The following PAPSS2 variants were observed in gnomAD, a reference collection of about 807,000 sequenced individuals.
PAPSS2 encodes the protein 3'-phosphoadenosine 5'-phosphosulfate synthase 2.
Under a neutral mutation model 66.5 loss-of-function variants are expected in PAPSS2, and 61 were observed. The ratio of observed to expected loss-of-function variants is 0.92; its 90% CI spans 0.75 to 1.14. The LOEUF (loss-of-function observed/expected upper bound fraction) is 1.14. Among genes scored for constraint, PAPSS2 ranks in the 50% most tolerant of loss-of-function variants. The probability of loss-of-function intolerance (pLI) is 0.00; values close to 1 mark genes in which losing one functional copy is unlikely to be tolerated. For missense variants in PAPSS2, 708 were observed against 789.6 expected (o/e 0.90, Z 1.24); for synonymous variants, 289 against 287.5 (o/e 1.01, Z -0.05).
chr10:87,666,025 G>A (rs116375942), intron 1 of PAPSS2, among the ~76,000 whole-genome samples: 2,051 of 149,006 alleles, frequency 0.014, 53 homozygotes, highest in African/African-American at 0.047. Context: ...TGCTGTTGGC[G>A]TGATCTTGGC....
At position 87,746,105 on chromosome 10, in the gene PAPSS2, AATT is replaced by A. The variant is rs1478193234; in HGVS notation, c.*137_*139del. On this transcript the variant is annotated 3_prime_UTR_variant, in exon 13 of 13. Coordinates refer to ENST00000456849, the MANE Select transcript of PAPSS2 (RefSeq NM_001015880.2). ...ATAATGAAGTAAAAGTTGTGTCTAT[AATT>A]AAAAAAAAATATATATATATACACA... 1.3e-5 allele frequency: 9 copies of A among 719,182 alleles called. No homozygotes were observed. In the African/African-American group the frequency reaches 1.5e-4, roughly 12 times the overall value. 44.6% of individuals were successfully genotyped at this position (719,182 alleles called of 1,614,324 possible).
intron 1 of PAPSS2, among the ~76,000 whole-genome samples, chr10:87,708,169 G>C (rs1462182276): frequency 6.6e-6 from 1 of 152,104 alleles, no homozygotes. Flanking sequence ...GTACCTCCCA[G>C]TCAGAGTTTA....
chr10:87,708,995 T>C (rs570880873), intron 1 of PAPSS2, among the ~76,000 whole-genome samples: 1 of 152,262 alleles, frequency 6.6e-6, no homozygotes, highest in East Asian at 1.9e-4. Context: ...TACATGTAGC[T>C]AATGGCTCAG....
At chr10:87,703,535 A>G (rs1036466377) in intron 1 of PAPSS2, among the ~76,000 whole-genome samples, 1 of 152,164 alleles carries the variant, frequency 6.6e-6, no homozygotes, top group Non-Finnish European at 1.5e-5. Flanking sequence ...TATTTTATCT[A>G]GATAATTCTT....
At chr10:87,724,079 A>C (rs1853628527) in intron 8 of PAPSS2, among the ~76,000 whole-genome samples, 1 of 152,160 alleles carries the variant, frequency 6.6e-6, no homozygotes, top group Non-Finnish European at 1.5e-5. Context: ...AATTGAGAGA[A>C]TAGCCTATTT....
chr10:87,739,461 GC>G (rs746337937), intron 9 of PAPSS2, among the ~76,000 whole-genome samples: 2 of 152,132 alleles, frequency 1.3e-5, no homozygotes, highest in Non-Finnish European at 2.9e-5. Flanking sequence ...TAGAAATTGT[GC>G]CCAACAATAA....
intron 1 of PAPSS2, among the ~76,000 whole-genome samples, chr10:87,692,982 A>C (rs190004980): frequency 1.3e-5 from 2 of 152,320 alleles, no homozygotes; most frequent in East Asian, 3.9e-4. Flanking sequence ...AATCTGTTTG[A>C]ATATAATGGT....
intron 9 of PAPSS2, among the ~76,000 whole-genome samples, chr10:87,729,337 G>A (rs1215056859): frequency 6.6e-6 from 1 of 151,272 alleles, no homozygotes; most frequent in Non-Finnish European, 1.5e-5. Context: ...GTGTCTCTGT[G>A]TCACATTTTG....
At chr10:87,721,626 C>A in intron 7 of PAPSS2, 130 bp from the exon 8 acceptor site, 2 of 641,578 alleles carry the variant, frequency 3.1e-6, no homozygotes, top group Non-Finnish European at 5.5e-6. Context: ...AATAGCATGA[C>A]AAAGCTAGTA....
chr10:87,664,739 C>T (rs1852795113), intron 1 of PAPSS2, among the ~76,000 whole-genome samples: 1 of 152,150 alleles, frequency 6.6e-6, no homozygotes, highest in Non-Finnish European at 1.5e-5. Context: ...AAATCTATCA[C>T]TAAATAGTAA....
At chr10:87,662,036 G>A (rs1355385949) in intron 1 of PAPSS2, among the ~76,000 whole-genome samples, 2 of 152,150 alleles carry the variant, frequency 1.3e-5, no homozygotes, top group African/African-American at 2.4e-5. Flanking sequence ...AAATCTGTCC[G>A]CTTGTGTGAC....
intron 11 of PAPSS2, among the ~76,000 whole-genome samples, chr10:87,744,360 T>C (rs1053306719): frequency 6.6e-6 from 1 of 152,208 alleles, no homozygotes; most frequent in African/African-American, 2.4e-5. Flanking sequence ...ACAGAGATTT[T>C]CTTTGTCCCA....
At chr10:87,711,752 C>A (rs1340812833) in intron 2 of PAPSS2, among the ~76,000 whole-genome samples, 1 of 152,096 alleles carries the variant, frequency 6.6e-6, no homozygotes, top group African/African-American at 2.4e-5. Context: ...TCCCCCCCAC[C>A]CAAATCCTCC....
intron 1 of PAPSS2, among the ~76,000 whole-genome samples, chr10:87,700,843 A>G (rs1027242712): frequency 5.3e-5 from 8 of 151,994 alleles, no homozygotes; most frequent in Non-Finnish European, 1.0e-4. Flanking sequence ...GAAATAAATT[A>G]TAATATATTT....
rs748882564 is a variant in PAPSS2 at position 87,747,499 on chromosome 10, C to T, written c.*1529C>T. On this transcript the variant is annotated 3_prime_UTR_variant, in exon 13 of 13. Transcript: ENST00000456849. The stretch of plus-strand genomic sequence containing the variant: ...AGTATAGTGCCTATACTCATGTAAT[C>T]GGTTACTCACTACTGCCTTTAAAAA... 1.3e-5 allele frequency: 2 copies of T among 152,266 alleles called. No individual in the cohort carries two copies. The highest frequency in any genetic ancestry group is 2.4e-5 in the African/African-American group (1 of 41,286). The allele number at this position is 152,266 out of a possible 1,614,324, so 9.4% of individuals were successfully genotyped here.
intron 1 of PAPSS2, among the ~76,000 whole-genome samples, chr10:87,666,806 G>T (rs551292804): frequency 2.6e-5 from 4 of 152,242 alleles, no homozygotes; most frequent in African/African-American, 9.6e-5. Flanking sequence ...ACTCCCAGGA[G>T]TGTAGGAACT....
At chr10:87,734,451 G>C (rs1169038806) in intron 9 of PAPSS2, among the ~76,000 whole-genome samples, 3 of 151,736 alleles carry the variant, frequency 2.0e-5, no homozygotes, top group Non-Finnish European at 4.4e-5. Flanking sequence ...AGAGGCAGTG[G>C]GTGCAGTGAT....
At chr10:87,738,417 A>ATG (rs58521119) in intron 9 of PAPSS2, among the ~76,000 whole-genome samples, 9,926 of 94,054 alleles carry the variant, frequency 0.11, 459 homozygotes, top group Middle Eastern at 0.18. Flanking sequence ...GTGTGTGTGT[A>ATG]TGTGTGTGTG....
intron 1 of PAPSS2, among the ~76,000 whole-genome samples, chr10:87,682,642 A>C (rs1853036121): frequency 6.6e-6 from 1 of 152,214 alleles, no homozygotes; most frequent in Non-Finnish European, 1.5e-5. Flanking sequence ...AATGGTAAAG[A>C]AAATTCCCAT....
Sources: allele counts gnomAD v4.1 joint callset (sites outside exome capture counted in the v4.1 genomes callset), GRCh38; gene constraint gnomAD v4.1.1; transcripts MANE v1.5; gene names NCBI Gene and HGNC (gene_info 2026-07-23, HGNC 2026-07-21).